Variants in OTUD7A observed in about 807,000 individuals in gnomAD.
OTUD7A encodes OTU deubiquitinase 7A, also known as OTU domain-containing protein 7A.
A neutral mutation model predicts 65.7 loss-of-function variants in OTUD7A; 12 were observed. The ratio of observed to expected loss-of-function variants is 0.18; its 90% CI spans 0.12 to 0.30. The LOEUF is 0.30. Among genes scored for constraint, OTUD7A ranks in the 10% least tolerant of loss-of-function variants. The pLI is 1.00. For missense variants in OTUD7A, 1,148 were observed against 1,304.8 expected, an observed-to-expected ratio of 0.88 and a Z score of 1.85; for synonymous variants, 641 against 586.3, an observed-to-expected ratio of 1.09 and a Z score of -1.35.
At chr15:31,822,316 G>C (rs745996655) in intron 1 of OTUD7A, among the ~76,000 whole-genome samples, 6 of 152,310 alleles carry the variant, frequency 3.9e-5, no homozygotes, top group Non-Finnish European at 7.3e-5. Flanking sequence ...CTCTCTGGGG[G>C]CAGGCATACC....
At chr15:31,616,861 T>G (rs542793701) in intron 3 of OTUD7A, among the ~76,000 whole-genome samples, 1 of 152,206 alleles carries the variant, frequency 6.6e-6, no homozygotes, top group African/African-American at 2.4e-5. Context: ...ACATTTTAAG[T>G]TTAAAAGAAA....
chr15:31,611,832 G>A (rs567981401), intron 3 of OTUD7A, among the ~76,000 whole-genome samples: 2 of 152,196 alleles, frequency 1.3e-5, no homozygotes, highest in African/African-American at 4.8e-5. Context: ...CAAAACCAGG[G>A]AAGGACATAA....
Position 31,487,389 on chromosome 15 carries a change from C to T in OTUD7A, c.1286+63G>A. ...GAGCAGGGGTGGTACATTCCCTCCC[C>T]AGGATGCCCCAGCCATAGCCCTCCC... On this transcript the variant is annotated intron_variant, in intron 11 of 12. Coordinates refer to ENST00000307050, the MANE Select transcript of OTUD7A (RefSeq NM_001382637.1). The surrounding 1 kb of genome is among the most constrained non-coding windows in gnomAD (Gnocchi z 6.0). 4 of 1,586,722 alleles carry T rather than the reference C, an allele frequency of 2.5e-6. No individual in the cohort carries two copies. In the Admixed American group the frequency reaches 5.1e-5, roughly 20 times the overall value.
rs578086883 is a variant in OTUD7A at position 31,610,688 on chromosome 15, C to T, written c.152-40491G>A. Among the ~76,000 whole-genome samples the T allele has an allele frequency of 5.7e-4, 77 of 134,048 alleles. 1 individual carries two copies. Among genetic ancestry groups the T allele is most frequent in the Admixed American group, 1.0e-3 (12 of 11,746 alleles). 87.9% of individuals were successfully genotyped at this position (134,048 alleles called of 152,430 possible). Reference sequence around the variant, plus strand: ...CCAGGCTGGAATGCAATGGCGCAACCTTGGCTCACTGCAAGCTCCGCCTCC... The same window carrying T: ...CCAGGCTGGAATGCAATGGCGCAACTTTGGCTCACTGCAAGCTCCGCCTCC... On this transcript the variant is annotated intron_variant, in intron 3 of 12. Coordinates refer to ENST00000307050, the MANE Select transcript of OTUD7A (RefSeq NM_001382637.1).
Position 31,483,909 on chromosome 15 carries a change from C to A in OTUD7A, c.2187G>T (p.Lys729Asn). 9.5e-7 allele frequency: 1 copy of A among 1,049,748 alleles called. No homozygotes were observed. Among genetic ancestry groups the A allele is most frequent in the Non-Finnish European group, 1.1e-6 (1 of 870,262 alleles). The allele number at this position is 1,049,748 out of a possible 1,614,324, so 65.0% of individuals were successfully genotyped here. Residue 729 changes from lysine to asparagine, a missense_variant, in exon 13 of 13, where the codon AAG becomes AAT. Physicochemically the swap from Lys to Asn is moderately conservative, Grantham distance 94 (BLOSUM62 0). Coordinates refer to ENST00000307050, the MANE Select transcript of OTUD7A (RefSeq NM_001382637.1). ...GPPTQLVLKL[K>N]ERPSPGPAAG... ...CCGCGGGCCCGGGGCTCGGCCGCTC[C>A]TTGAGCTTGAGCACCAGCTGCGTGG...
At chr15:31,828,444 A>AT (rs1334649366) in intron 1 of OTUD7A, among the ~76,000 whole-genome samples, 4 of 152,198 alleles carry the variant, frequency 2.6e-5, no homozygotes, top group African/African-American at 9.7e-5. Context: ...AACATTTACC[A>AT]TTTCTTTGTG....
At position 31,487,061 on chromosome 15, in the gene OTUD7A, T is replaced by C. The variant is rs2041247459; in HGVS notation, c.1371+133A>G. On this transcript the variant is annotated intron_variant, in intron 12 of 12. Transcript: ENST00000307050. The surrounding 1 kb of genome is among the most constrained non-coding windows in gnomAD (Gnocchi z 6.0). ...GGTGGAGGAGCTACTGGGCTGTGGG[T>C]ATGGCTGGGGTGGGCGGCCGGGCAG... 1.2e-6 allele frequency: 1 copy of C among 809,274 alleles called. No homozygotes were observed. The highest frequency in any genetic ancestry group is 2.0e-6 in the Non-Finnish European group (1 of 507,632). The allele number at this position is 809,274 out of a possible 1,614,324, so 50.1% of individuals were successfully genotyped here.
chr15:31,690,663 A>G (rs150256430), intron 1 of OTUD7A, among the ~76,000 whole-genome samples: 13 of 152,234 alleles, frequency 8.5e-5, no homozygotes, highest in Non-Finnish European at 1.8e-4. Context: ...GGTTTTCCAC[A>G]AGACCATTCC....
At chr15:31,754,812 A>C (rs755102543) in intron 1 of OTUD7A, among the ~76,000 whole-genome samples, 7 of 152,076 alleles carry the variant, frequency 4.6e-5, no homozygotes, top group Non-Finnish European at 1.0e-4. Flanking sequence ...TTGCACTTTT[A>C]ATATTATTAT....
At chr15:31,559,838 G>GCA (rs562200732) in intron 4 of OTUD7A, among the ~76,000 whole-genome samples, 1 of 152,126 alleles carries the variant, frequency 6.6e-6, no homozygotes, top group East Asian at 1.9e-4. Flanking sequence ...ATACATGTGT[G>GCA]CACACACATA....
intron 1 of OTUD7A, among the ~76,000 whole-genome samples, chr15:31,869,991 G>C (rs2141026585): frequency 6.6e-6 from 1 of 151,986 alleles, no homozygotes; most frequent in Admixed American, 6.5e-5. Context: ...CGGGACGGCG[G>C]TGCGCCGGGC....
At chr15:31,627,063 A>C (rs1178312289) in intron 3 of OTUD7A, among the ~76,000 whole-genome samples, 1 of 151,932 alleles carries the variant, frequency 6.6e-6, no homozygotes, top group Non-Finnish European at 1.5e-5. Flanking sequence ...GTAGTTGCTG[A>C]AGGTTAGGGT....
At chr15:31,532,547 CAT>C (rs1020398206) in intron 5 of OTUD7A, among the ~76,000 whole-genome samples, 2 of 150,594 alleles carry the variant, frequency 1.3e-5, no homozygotes, top group Admixed American at 1.3e-4. Flanking sequence ...AAAAAAAACA[CAT>C]ATACAGAACA....
At chr15:31,851,815 T>C (rs1259428942) in intron 1 of OTUD7A, among the ~76,000 whole-genome samples, 2 of 152,220 alleles carry the variant, frequency 1.3e-5, no homozygotes, top group African/African-American at 4.8e-5. Context: ...GAAAAGTATT[T>C]AGATACTTCA....
At chr15:31,676,195 GT>G (rs1892591569) in intron 1 of OTUD7A, among the ~76,000 whole-genome samples, 2 of 152,360 alleles carry the variant, frequency 1.3e-5, no homozygotes, top group South Asian at 4.1e-4. Context: ...TGTGAGGGTA[GT>G]GGGAGAAGAG....
chr15:31,725,825 T>C lies in OTUD7A; in HGVS notation c.-99-68748A>G, dbSNP rs1893868001. On this transcript the variant is annotated intron_variant, in intron 1 of 12. Coordinates refer to ENST00000307050, the MANE Select transcript of OTUD7A (RefSeq NM_001382637.1). ...GTGACCTCCTGATGGCAGCGCTCCA[T>C]CAGCCTGGAGGAGAATGGCATGTAG... Among the ~76,000 whole-genome samples, 4 of 152,322 alleles carry C rather than the reference T, an allele frequency of 2.6e-5. No individual in the cohort carries two copies. The South Asian group carries it at 8.3e-4, about 32-fold the overall frequency.
At chr15:31,691,298 G>C (rs1892956158) in intron 1 of OTUD7A, among the ~76,000 whole-genome samples, 1 of 152,036 alleles carries the variant, frequency 6.6e-6, no homozygotes, top group Admixed American at 6.6e-5. Context: ...TGAGCAAAAA[G>C]AACAAAGCTA....
At position 31,570,084 on chromosome 15, in the gene OTUD7A, G is replaced by A. The variant is rs757148409; in HGVS notation, c.265C>T (p.Arg89Ter). ...NEGRGPKQPE[R>*]EPQPGHKVER... ...ACCTTGTGCCCGGGCTGTGGCTCTCGCTCTGGCTGCTTGGGACCCCGCCCT... is the reference window on the plus strand; with the variant it reads ...ACCTTGTGCCCGGGCTGTGGCTCTCACTCTGGCTGCTTGGGACCCCGCCCT... Residue 89 changes from arginine to a stop codon, truncating the protein, a stop_gained, in exon 4 of 13, where the codon CGA becomes TGA. Transcript: ENST00000307050. LOFTEE classifies it high-confidence loss of function. 1.9e-6 allele frequency: 3 copies of A among 1,614,194 alleles called. No individual in the cohort carries two copies. The highest frequency in any genetic ancestry group is 8.5e-7 in the Non-Finnish European group (1 of 1,180,026).
At chr15:31,690,196 G>C (rs1475359357) in intron 1 of OTUD7A, among the ~76,000 whole-genome samples, 6 of 152,106 alleles carry the variant, frequency 3.9e-5, no homozygotes, top group Non-Finnish European at 7.4e-5. Flanking sequence ...AATTGCTTTT[G>C]ATTTTTGTGT....
Sources: allele counts gnomAD v4.1 joint callset (sites outside exome capture counted in the v4.1 genomes callset), GRCh38; gene constraint gnomAD v4.1.1; non-coding constraint Gnocchi (gnomAD v3.1); transcripts MANE v1.5; gene names NCBI Gene and HGNC (gene_info 2026-07-23, HGNC 2026-07-21).